IGSF5: variants seen among roughly 807,000 people sequenced by gnomAD.
IGSF5 encodes the protein immunoglobulin superfamily 5 like.
A neutral mutation model predicts 39.4 loss-of-function variants in IGSF5; 41 were observed. The observed-to-expected ratio is 1.04, with a 90% CI of 0.81 to 1.35. The LOEUF (loss-of-function observed/expected upper bound fraction) is 1.35, where lower values mean the gene tolerates loss of function less well. Ranked by LOEUF, IGSF5 falls within the 40% of genes most tolerant of loss-of-function variation. The pLI, the probability that IGSF5 is intolerant of heterozygous loss-of-function variation, is 0.00. For synonymous variants in IGSF5, 183 were observed against 175.3 expected (o/e 1.04, Z -0.34); for missense variants, 487 against 494.6 (o/e 0.98, Z 0.15).
chr21:39,779,527 A>G (rs2080159091), intron 5 of IGSF5, among the ~76,000 whole-genome samples: 1 of 152,234 alleles, frequency 6.6e-6, no homozygotes, highest in African/African-American at 2.4e-5. Flanking sequence ...GAGCTATCCT[A>G]TAATCCAGCA....
the IGSF5 span, among the ~76,000 whole-genome samples, chr21:39,734,504 T>A: frequency 3.4e-5 from 5 of 148,498 alleles, no homozygotes; most frequent in African/African-American, 7.5e-5. Context: ...TCATACAGAA[T>A]AGTTTTGTTG....
At chr21:39,762,487 G>A (rs554241629) in intron 2 of IGSF5, among the ~76,000 whole-genome samples, 3 of 152,262 alleles carry the variant, frequency 2.0e-5, no homozygotes, top group East Asian at 1.9e-4. Flanking sequence ...GGGTTGTGGC[G>A]ACCAGGGTTC....
chr21:39,801,463 A>T lies in IGSF5; in HGVS notation c.*106A>T, dbSNP rs1010681463. The T allele has an allele frequency of 4.0e-6, 3 of 758,830 alleles. No homozygotes were observed. Among genetic ancestry groups the T allele is most frequent in the Non-Finnish European group, 6.7e-6 (3 of 448,980 alleles). 47.0% of individuals were successfully genotyped at this position (758,830 alleles called of 1,614,324 possible). A position where few individuals can be genotyped will look rare whatever the true frequency, so the allele number is the denominator to read the frequency against. ...ACTGGCCTGCAGCTTTGCCAACATTACCTGAAGAGGAGATGTCGGAGTCAT... is the reference window on the plus strand; with the variant it reads ...ACTGGCCTGCAGCTTTGCCAACATTTCCTGAAGAGGAGATGTCGGAGTCAT... On this transcript the variant is annotated 3_prime_UTR_variant, in exon 9 of 9. Transcript: ENST00000380588.
intron 8 of IGSF5, among the ~76,000 whole-genome samples, chr21:39,796,683 G>T (rs2086997793): frequency 6.6e-6 from 1 of 152,190 alleles, no homozygotes; most frequent in Non-Finnish European, 1.5e-5. Context: ...AAGCTGGCTT[G>T]TTAGAGTTCA....
chr21:39,777,594 T>C (rs1018351), intron 4 of IGSF5, among the ~76,000 whole-genome samples: 109,627 of 151,556 alleles, frequency 0.72, 40,662 homozygotes, highest in Admixed American at 0.81. Flanking sequence ...TGGGAGAGCC[T>C]TTTACAAGTC....
chr21:39,778,921 G>C (rs376196046), intron 4 of IGSF5, among the ~76,000 whole-genome samples, 169 bp from the exon 5 acceptor site: 2 of 152,152 alleles, frequency 1.3e-5, no homozygotes, highest in East Asian at 3.9e-4. Context: ...AGGTACTGTA[G>C]AGTATTGAAT....
At chr21:39,777,214 A>C (rs1200483287) in intron 4 of IGSF5, among the ~76,000 whole-genome samples, 3 of 152,186 alleles carry the variant, frequency 2.0e-5, no homozygotes, top group Non-Finnish European at 4.4e-5. Flanking sequence ...TCTGGACTTC[A>C]CCATTTTATT....
chr21:39,742,926 G>C (rs2079954454), upstream of IGSF5, among the ~76,000 whole-genome samples: 1 of 152,172 alleles, frequency 6.6e-6, no homozygotes, highest in South Asian at 2.1e-4. Flanking sequence ...GTCTGCAGCT[G>C]ACTGAGTGAT....
chr21:39,740,313 G>A (rs1003800637), upstream of IGSF5, among the ~76,000 whole-genome samples: 6 of 152,012 alleles, frequency 3.9e-5, no homozygotes, highest in African/African-American at 4.8e-5. Context: ...TGATGACCCC[G>A]GCAGTGTAAG....
the IGSF5 span, among the ~76,000 whole-genome samples, chr21:39,712,874 G>A: frequency 6.6e-6 from 1 of 152,108 alleles, no homozygotes; most frequent in African/African-American, 2.4e-5. Context: ...TTTTCTTCTT[G>A]TAAGTCACTC....
intron 2 of IGSF5, among the ~76,000 whole-genome samples, chr21:39,763,746 A>G (rs1476036871): frequency 6.6e-6 from 1 of 152,140 alleles, no homozygotes; most frequent in Non-Finnish European, 1.5e-5. Flanking sequence ...GGAGTGCAGG[A>G]GGAGTGTGGT....
intron 2 of IGSF5, among the ~76,000 whole-genome samples, chr21:39,748,135 C>T (rs1355684094): frequency 6.6e-6 from 1 of 151,942 alleles, no homozygotes; most frequent in Admixed American, 6.6e-5. Flanking sequence ...GGTTAAATAG[C>T]AGACATTCAT....
chr21:39,789,027 G>A (rs1013764292), intron 6 of IGSF5, among the ~76,000 whole-genome samples: 1 of 152,088 alleles, frequency 6.6e-6, no homozygotes, highest in Non-Finnish European at 1.5e-5. Context: ...TTGGAGAGAG[G>A]ACACCACCAA....
chr21:39,737,716 C>T, the IGSF5 span, among the ~76,000 whole-genome samples: 18 of 152,166 alleles, frequency 1.2e-4, no homozygotes, highest in Admixed American at 6.5e-4. Flanking sequence ...GTTCCGGAGA[C>T]GTCATTGGAT....
chr21:39,776,743 T>C (rs151078657), intron 4 of IGSF5, among the ~76,000 whole-genome samples: 1 of 152,338 alleles, frequency 6.6e-6, no homozygotes, highest in African/African-American at 2.4e-5. Flanking sequence ...CTCGTATTTC[T>C]GTCTAGTAGG....
intron 2 of IGSF5, among the ~76,000 whole-genome samples, chr21:39,762,124 A>T (rs1018240751): frequency 1.3e-5 from 2 of 152,202 alleles, no homozygotes; most frequent in African/African-American, 4.8e-5. Flanking sequence ...ATAAACTCCT[A>T]TAAAGAAATC....
intron 5 of IGSF5, 67 bp from the exon 6 acceptor site, chr21:39,788,099 AT>A: frequency 7.7e-7 from 1 of 1,291,638 alleles, no homozygotes; most frequent in African/African-American, 1.5e-5. Context: ...GTGTATAAAA[AT>A]TAATGAGACT....
chr21:39,774,178 G>A (rs1390550837), intron 4 of IGSF5, among the ~76,000 whole-genome samples: 1 of 152,212 alleles, frequency 6.6e-6, no homozygotes, highest in East Asian at 1.9e-4. Flanking sequence ...CTGGCTGCAT[G>A]TTGTGTGTTT....
At chr21:39,764,246 T>C (rs1444248835) in intron 2 of IGSF5, among the ~76,000 whole-genome samples, 2 of 152,198 alleles carry the variant, frequency 1.3e-5, no homozygotes, top group Non-Finnish European at 2.9e-5. Flanking sequence ...ACAATGTGCC[T>C]GGGTACACAG....
Sources: gnomAD v4.1 joint callset for allele counts (sites outside exome capture counted in the v4.1 genomes callset) on GRCh38, gnomAD v4.1.1 for gene constraint, MANE v1.5 for transcripts, NCBI Gene and HGNC (gene_info 2026-07-23, HGNC 2026-07-21) for gene names.